The following MECOM variants were observed in gnomAD, a reference collection of about 807,000 sequenced individuals.
The protein encoded by MECOM is histone-lysine N-methyltransferase MECOM.
A neutral mutation model predicts 116.3 loss-of-function variants in MECOM; 13 were observed. The ratio of observed to expected loss-of-function variants is 0.11; its 90% CI spans 0.07 to 0.18. The LOEUF is 0.18. Ranked by LOEUF, MECOM falls within the 10% of genes least tolerant of loss-of-function variation. The pLI, the probability that MECOM is intolerant of heterozygous loss-of-function variation, is 1.00. For synonymous variants in MECOM, 528 were observed against 535.2 expected (o/e 0.99, Z 0.19); for missense variants, 1,299 against 1,509.0 (o/e 0.86, Z 2.31).
chr3:169,330,785 A>G (rs1300109578), intron 2 of MECOM, among the ~76,000 whole-genome samples: 1 of 152,136 alleles, frequency 6.6e-6, no homozygotes, highest in Admixed American at 6.5e-5. Flanking sequence ...TGACATTTTC[A>G]TTTAAGTAAT....
At chr3:169,091,461 T>C (rs1719691467) in intron 14 of MECOM, among the ~76,000 whole-genome samples, 2 of 152,098 alleles carry the variant, frequency 1.3e-5, no homozygotes, top group Non-Finnish European at 2.9e-5. Flanking sequence ...GCTAGAAAAT[T>C]TGAATAGGCA....
At chr3:169,527,828 G>T (rs929170531) in intron 1 of MECOM, among the ~76,000 whole-genome samples, 1 of 152,050 alleles carries the variant, frequency 6.6e-6, no homozygotes, top group Non-Finnish European at 1.5e-5. Context: ...AGAAAGCAAG[G>T]AAAAAACACA....
chr3:169,089,662 A>G (rs1213977402), intron 15 of MECOM, among the ~76,000 whole-genome samples: 1 of 152,148 alleles, frequency 6.6e-6, no homozygotes, highest in East Asian at 1.9e-4. Flanking sequence ...ACCATGCCAG[A>G]TTATTGTATA....
chr3:169,588,420 A>G (rs183518857), intron 1 of MECOM, among the ~76,000 whole-genome samples: 1 of 152,236 alleles, frequency 6.6e-6, no homozygotes, highest in African/African-American at 2.4e-5. Context: ...CCCTTCTACA[A>G]TTCGTCCCAT....
intron 1 of MECOM, among the ~76,000 whole-genome samples, chr3:169,596,384 T>A (rs948566929): frequency 6.6e-6 from 1 of 152,184 alleles, no homozygotes; most frequent in Non-Finnish European, 1.5e-5. Flanking sequence ...AAACGTAATA[T>A]CTCTGAGGGC....
chr3:169,491,956 T>G (rs546242261), intron 1 of MECOM, among the ~76,000 whole-genome samples: 2 of 152,330 alleles, frequency 1.3e-5, no homozygotes, highest in Non-Finnish European at 2.9e-5. Flanking sequence ...TTTGTTTAAC[T>G]CAATAAAACA....
At chr3:169,147,004 A>G in intron 2 of MECOM, 3 of 994,030 alleles carry the variant, frequency 3.0e-6, no homozygotes, top group Non-Finnish European at 3.6e-6. Flanking sequence ...TATTTTTAAT[A>G]CAAGAAATGA....
At chr3:169,177,791 G>C (rs1238708591) in intron 2 of MECOM, among the ~76,000 whole-genome samples, 1 of 151,886 alleles carries the variant, frequency 6.6e-6, no homozygotes, top group Non-Finnish European at 1.5e-5. Flanking sequence ...GTTGGCATGA[G>C]CCTGTAATCC....
chr3:169,367,966 C>T (rs904929707), intron 2 of MECOM, among the ~76,000 whole-genome samples: 1 of 151,964 alleles, frequency 6.6e-6, no homozygotes, highest in Non-Finnish European at 1.5e-5. Context: ...TTTGCTTTAC[C>T]GTCCATCAGT....
intron 1 of MECOM, among the ~76,000 whole-genome samples, chr3:169,414,633 CT>C (rs1738209838): frequency 6.6e-6 from 1 of 152,070 alleles, no homozygotes; most frequent in Non-Finnish European, 1.5e-5. Context: ...AGCTAAAAAC[CT>C]TGAGAAAAGG....
intron 7 of MECOM, among the ~76,000 whole-genome samples, chr3:169,119,786 T>C (rs1347710768): frequency 1.3e-5 from 2 of 152,160 alleles, no homozygotes; most frequent in African/African-American, 4.8e-5. Flanking sequence ...AAAATTTCTA[T>C]TGAATGCTTT....
intron 2 of MECOM, among the ~76,000 whole-genome samples, chr3:169,188,329 G>A (rs373486614): frequency 1.3e-5 from 2 of 152,006 alleles, no homozygotes; most frequent in Non-Finnish European, 2.9e-5. Context: ...AAGGAGAAGA[G>A]GAAATAAACA....
chr3:169,296,708 G>A (rs78764677), intron 2 of MECOM, among the ~76,000 whole-genome samples: 3,939 of 152,270 alleles, frequency 0.026, 75 homozygotes, highest in Non-Finnish European at 0.044. Context: ...ATAAATAACA[G>A]GAATAGACTT....
chr3:169,197,827 A>C (rs1488394941), intron 2 of MECOM, among the ~76,000 whole-genome samples: 1 of 152,060 alleles, frequency 6.6e-6, no homozygotes, highest in Non-Finnish European at 1.5e-5. Context: ...CTGCTATAGC[A>C]GACTTTGCCT....
rs185123776 is a variant in MECOM, at chr3:169,385,541, G to A, written c.38-4017C>T. On this transcript the variant is annotated intron_variant, in intron 1 of 16. Transcript: ENST00000651503. ...AAAATATTAAACTGCTGAGTTTTACGTATCAAAACATGCAACAATATTTCA... is the reference window on the plus strand; with the variant it reads ...AAAATATTAAACTGCTGAGTTTTACATATCAAAACATGCAACAATATTTCA... Among the ~76,000 whole-genome samples, 7 of 152,094 alleles carry A rather than the reference G, an allele frequency of 4.6e-5. No individual in the cohort carries two copies. In the South Asian group the frequency reaches 1.0e-3, roughly 23 times the overall value.
At chr3:169,436,046 A>G (rs747761290) in intron 1 of MECOM, among the ~76,000 whole-genome samples, 6 of 152,176 alleles carry the variant, frequency 3.9e-5, no homozygotes, top group African/African-American at 4.8e-5. Context: ...TGGAATTTCA[A>G]TTATCTTTCA....
At chr3:169,204,642 C>T (rs933699892) in intron 2 of MECOM, among the ~76,000 whole-genome samples, 2 of 152,136 alleles carry the variant, frequency 1.3e-5, no homozygotes, top group Non-Finnish European at 2.9e-5. Context: ...AAAATGAATA[C>T]ATATTGTGCT....
intron 2 of MECOM, among the ~76,000 whole-genome samples, chr3:169,281,804 T>C (rs1331758764): frequency 4.6e-5 from 7 of 152,126 alleles, no homozygotes; most frequent in Admixed American, 1.3e-4. Flanking sequence ...AATGAGATCC[T>C]GTCTCAAAAA....
intron 1 of MECOM, among the ~76,000 whole-genome samples, chr3:169,576,254 T>C (rs1170739067): frequency 6.6e-6 from 1 of 152,154 alleles, no homozygotes; most frequent in Non-Finnish European, 1.5e-5. Flanking sequence ...GCACATATAT[T>C]ATTATTATTT....
Sources: gnomAD v4.1 joint callset for allele counts (sites outside exome capture counted in the v4.1 genomes callset) on GRCh38, gnomAD v4.1.1 for gene constraint, MANE v1.5 for transcripts, NCBI Gene and HGNC (gene_info 2026-07-23, HGNC 2026-07-21) for gene names.